CALD1: variants seen among roughly 807,000 people sequenced by gnomAD.
CALD1 encodes the protein caldesmon.
A neutral mutation model predicts 99.9 loss-of-function variants in CALD1; 33 were observed. The observed-to-expected ratio is 0.33, with a 90% confidence interval of 0.25 to 0.44. CALD1 has a LOEUF of 0.44. CALD1 is among the 20% of genes least tolerant of loss of function. The probability of loss-of-function intolerance (pLI) is 1.00; values close to 1 mark genes in which losing one functional copy is unlikely to be tolerated. For synonymous variants in CALD1, 310 were observed against 325.0 expected (o/e 0.95, Z 0.50); for missense variants, 861 against 962.1 (o/e 0.89, Z 1.39).
rs150052873 is a variant in CALD1, at chr7:134,956,401, T to C, written c.1936-1668T>C. On this transcript the variant is annotated intron_variant, in intron 9 of 14. Coordinates refer to ENST00000361675, the MANE Select transcript of CALD1 (RefSeq NM_033138.4). ...ATGATGGTATTAGGAGGTGGGATCTTTGGAAGACAATTAGGTCATGAGGGT... is the reference window on the plus strand; with the variant it reads ...ATGATGGTATTAGGAGGTGGGATCTCTGGAAGACAATTAGGTCATGAGGGT... Among the ~76,000 whole-genome samples the C allele has an allele frequency of 5.2e-3, 788 of 152,320 alleles. 8 individuals carry two copies. The highest frequency in any genetic ancestry group is 7.9e-3 in the Admixed American group (121 of 15,298).
chr7:134,889,311 C>T (rs1476608187), intron 3 of CALD1, among the ~76,000 whole-genome samples: 4 of 152,156 alleles, frequency 2.6e-5, no homozygotes, highest in Non-Finnish European at 5.9e-5. Flanking sequence ...GGCTCTTGGA[C>T]CCCCTCTCCA....
At chr7:134,722,952 C>T in the CALD1 span, among the ~76,000 whole-genome samples, 2 of 152,280 alleles carry the variant, frequency 1.3e-5, no homozygotes, top group African/African-American at 4.8e-5. Context: ...CCCAGCTGCT[C>T]TAGAATGAGA....
chr7:134,716,591 A>G, the CALD1 span, among the ~76,000 whole-genome samples: 1 of 152,222 alleles, frequency 6.6e-6, no homozygotes, highest in Non-Finnish European at 1.5e-5. Context: ...AAAAATATAA[A>G]TGGACAGAGT....
At chr7:134,924,437 G>A (rs1162947016) in intron 3 of CALD1, among the ~76,000 whole-genome samples, 1 of 152,128 alleles carries the variant, frequency 6.6e-6, no homozygotes, top group African/African-American at 2.4e-5. Context: ...CTCACCATGA[G>A]GGAGAGGCCT....
chr7:134,873,236 A>T (rs74617811), intron 3 of CALD1, among the ~76,000 whole-genome samples: 3,592 of 151,156 alleles, frequency 0.024, 129 homozygotes, highest in African/African-American at 0.082. Flanking sequence ...AAAAAACACT[A>T]TATTCTGCTT....
At chr7:134,733,435 A>T in the CALD1 span, among the ~76,000 whole-genome samples, 1 of 152,158 alleles carries the variant, frequency 6.6e-6, no homozygotes, top group African/African-American at 2.4e-5. Flanking sequence ...TCTTGACAAA[A>T]CTATAGACTT....
At chr7:134,953,411 G>A (rs976384488) in intron 9 of CALD1, among the ~76,000 whole-genome samples, 2 of 151,964 alleles carry the variant, frequency 1.3e-5, no homozygotes, top group African/African-American at 4.8e-5. Context: ...GGGAGGCAGA[G>A]GTTAGCTGGG....
chr7:134,850,644 T>C (rs1207561039), intron 2 of CALD1, among the ~76,000 whole-genome samples: 1 of 152,192 alleles, frequency 6.6e-6, no homozygotes, highest in Non-Finnish European at 1.5e-5. Flanking sequence ...GGTTCACTCT[T>C]GCAACTCCTC....
At chr7:134,875,108 C>G (rs548520089) in intron 3 of CALD1, among the ~76,000 whole-genome samples, 1 of 152,318 alleles carries the variant, frequency 6.6e-6, no homozygotes, top group African/African-American at 2.4e-5. Context: ...ATCAAAGTAG[C>G]TAGATTTGCT....
At chr7:134,837,126 C>A (rs1482376495) in intron 1 of CALD1, among the ~76,000 whole-genome samples, 1 of 151,866 alleles carries the variant, frequency 6.6e-6, no homozygotes, top group Non-Finnish European at 1.5e-5. Context: ...AAGAACTCAG[C>A]AAAATTTCCC....
intron 1 of CALD1, among the ~76,000 whole-genome samples, chr7:134,814,686 C>G (rs1798489683): frequency 6.6e-6 from 1 of 152,164 alleles, no homozygotes; most frequent in South Asian, 2.1e-4. Flanking sequence ...TTCAGTGCAG[C>G]TGGTCCACAA....
intron 1 of CALD1, among the ~76,000 whole-genome samples, chr7:134,802,123 TA>T (rs1797969213): frequency 6.6e-6 from 1 of 151,744 alleles, no homozygotes; most frequent in Non-Finnish European, 1.5e-5. Context: ...TATATATATA[TA>T]TGTATGTCTA....
chr7:134,785,388 A>C (rs1352715521), intron 1 of CALD1, among the ~76,000 whole-genome samples: 2 of 152,230 alleles, frequency 1.3e-5, no homozygotes, highest in African/African-American at 4.8e-5. Flanking sequence ...GCTCCCTTCA[A>C]ATGAAAGCAG....
At chr7:134,936,808 TGTG>T (rs1482593483) in intron 6 of CALD1, among the ~76,000 whole-genome samples, 10 of 152,292 alleles carry the variant, frequency 6.6e-5, no homozygotes, top group African/African-American at 2.4e-4. Context: ...TAATAGAAGT[TGTG>T]GTGGTTTGGA....
chr7:134,791,595 T>C (rs1797535831), intron 1 of CALD1, among the ~76,000 whole-genome samples: 1 of 152,202 alleles, frequency 6.6e-6, no homozygotes, highest in Non-Finnish European at 1.5e-5. Flanking sequence ...AGTTCCATCT[T>C]GCCATACAGA....
In CALD1 at chr7:134,765,925, C is replaced by A. The variant is rs529624904; in HGVS notation, c.-130+21562C>A. 4.6e-5 allele frequency among the ~76,000 whole-genome samples: 7 copies of A among 152,206 alleles called. No individual in the cohort carries two copies. The South Asian group carries it at 1.5e-3, about 32-fold the overall frequency. On this transcript the variant is annotated intron_variant, in intron 1 of 13. Coordinates refer to the CALD1 transcript ENST00000417172. ...GATAGTGAGTGAGTTCTCACAATAT[C>A]TGGCTGTTTAAAAGTGTATGGCACC...
chr7:134,836,339 T>C (rs555938318), intron 1 of CALD1, among the ~76,000 whole-genome samples: 12 of 152,166 alleles, frequency 7.9e-5, no homozygotes, highest in African/African-American at 2.2e-4. Context: ...ACTGCATCCA[T>C]TGGAAAATTT....
chr7:134,784,132 A>T (rs1288676530), intron 1 of CALD1, among the ~76,000 whole-genome samples: 1 of 152,238 alleles, frequency 6.6e-6, no homozygotes, highest in Non-Finnish European at 1.5e-5. Context: ...ATATATGTAT[A>T]TGTATAAATG....
rs1233979573 is a variant in CALD1 at position 134,884,263 on chromosome 7, T to C, written c.71+16459T>C. 2.0e-5 allele frequency among the ~76,000 whole-genome samples: 3 copies of C among 152,278 alleles called. No individual in the cohort carries two copies. In the East Asian group the frequency reaches 5.8e-4, roughly 29 times the overall value. ...GGGTGGTGACATGAGATTTATGGCT[T>C]GAATCTCACAGAGTTGTGACATGAA... On this transcript the variant is annotated intron_variant, in intron 3 of 14. Transcript: ENST00000361675.
Sources: gnomAD v4.1 joint callset for allele counts (sites outside exome capture counted in the v4.1 genomes callset) on GRCh38, gnomAD v4.1.1 for gene constraint, MANE v1.5 for transcripts, NCBI Gene and HGNC (gene_info 2026-07-23, HGNC 2026-07-21) for gene names.